GATA2: variants seen among roughly 807,000 people sequenced by gnomAD.
The protein encoded by GATA2 is endothelial transcription factor GATA-2.
GATA2 carries 6 observed loss-of-function variants against 35.7 expected under a neutral mutation model. The observed-to-expected ratio is 0.17, with a 90% CI of 0.09 to 0.33. GATA2 has a LOEUF of 0.33. Among genes scored for constraint, GATA2 ranks in the 10% least tolerant of loss-of-function variants. The pLI is 1.00. For synonymous variants in GATA2, 313 were observed against 274.9 expected (o/e 1.14, Z -1.37); for missense variants, 541 against 656.6 (o/e 0.82, Z 1.92).
rs768892880 is a variant in GATA2, at chr3:128,485,735, G to A, written c.863C>T (p.Ser288Phe). The A allele has an allele frequency of 6.2e-7, 1 of 1,613,700 alleles. No homozygotes were observed. Among genetic ancestry groups the A allele is most frequent in the Non-Finnish European group, 8.5e-7 (1 of 1,179,952 alleles). ...FTPKQRSKAR[S>F]CSEGRECVNC... ...CCAGCACCTGCCTTTACCTGAACAG[G>A]AACGAGCCTTGCTGCGCTGCTTAGG... Residue 288 changes from serine (S) to phenylalanine (F), a missense_variant, in exon 3 of 6, where the codon TCC becomes TTC. Around this residue, in one of 5 missense-constraint regions of GATA2, gnomAD observed 389 missense variants for 396.9 expected, o/e 0.98. Coordinates refer to ENST00000341105, the MANE Select transcript of GATA2 (RefSeq NM_032638.5).
At chr3:128,485,534 A>T (rs2068682846) in intron 3 of GATA2, among the ~76,000 whole-genome samples, 193 bp downstream of exon 3, 1 of 152,172 alleles carries the variant, frequency 6.6e-6, no homozygotes, top group South Asian at 2.1e-4. Context: ...GCACTTAAGA[A>T]AATGGCAAAA....
chr3:128,482,165 T>C (rs145421418), intron 4 of GATA2: 2 of 622,882 alleles, frequency 3.2e-6, no homozygotes, highest in East Asian at 5.7e-5. Context: ...AAGCCTGATG[T>C]TAGAATCAAC....
intron 1 of GATA2, among the ~76,000 whole-genome samples, chr3:128,491,417 ACCCAGCGGCCT>A (rs2068766441): frequency 6.6e-6 from 1 of 152,146 alleles, no homozygotes. Flanking sequence ...TTAATTCGCA[ACCCAGCGGCCT>A]CCCAGCCCCA....
rs2107668104 is a variant in GATA2, at chr3:128,481,300, T to C, written c.1162A>G (p.Met388Val). The C allele has an allele frequency of 6.2e-7, 1 of 1,613,748 alleles. No homozygotes were observed. Among genetic ancestry groups the C allele is most frequent in the Non-Finnish European group, 8.5e-7 (1 of 1,180,038 alleles). Reference sequence around the variant, plus strand: ...CGAGTCTGGATCCCTTCCTTCTTCATGGTCAGTGGCCTGTTAACCTAGAGG... The same window carrying C: ...CGAGTCTGGATCCCTTCCTTCTTCACGGTCAGTGGCCTGTTAACCTAGAGG... ...KLHNVNRPLT[M>V]KKEGIQTRNR... Residue 388 changes from methionine (M) to valine (V), a missense_variant, in exon 6 of 6, where the codon ATG becomes GTG. By Grantham distance (21) the Met-to-Val change is conservative. This residue lies in a region of GATA2 where 23 missense variants were observed against 67.2 expected (regional missense o/e 0.34). Transcript: ENST00000341105.
rs1190938460 is a variant in GATA2 at position 128,481,279 on chromosome 3, T to A, written c.1183A>T (p.Thr395Ser). 6.2e-7 allele frequency: 1 copy of A among 1,614,010 alleles called. No individual in the cohort carries two copies. The highest frequency in any genetic ancestry group is 8.5e-7 in the Non-Finnish European group (1 of 1,180,042). The change falls in exon 6 of 6, where the codon ACT (threonine) becomes TCT (serine). Residue 395 changes from threonine (T) to serine (S), a missense_variant. Coordinates refer to ENST00000341105, the MANE Select transcript of GATA2 (RefSeq NM_032638.5). ...PLTMKKEGIQ[T>S]RNRKMSNKSK... ...TTGTTGGACATCTTCCGGTTCCGAG[T>A]CTGGATCCCTTCCTTCTTCATGGTC...
rs780930549 is a variant in GATA2 at position 128,486,002 on chromosome 3, C to A, written c.596G>T (p.Gly199Val). ...GAASPASSSA[G>V]GSAARGEDKD... ...GTCCTCTCCTCGGGCTGCACTACCC[C>A]CCGCGGAAGATGAGGCTGGAGACGC... The change falls in exon 3 of 6, where the codon GGG becomes GTG. Residue 199 changes from glycine (G) to valine (V), a missense_variant. Physicochemically the swap from Gly to Val is moderately radical, Grantham distance 109 (BLOSUM62 -3). Around this residue, in one of 5 missense-constraint regions of GATA2, gnomAD observed 389 missense variants for 396.9 expected, o/e 0.98. Coordinates refer to ENST00000341105, the MANE Select transcript of GATA2 (RefSeq NM_032638.5). The A allele has an allele frequency of 9.9e-6, 16 of 1,614,110 alleles. No homozygotes were observed. Among genetic ancestry groups the A allele is most frequent in the Non-Finnish European group, 1.4e-5 (16 of 1,180,040 alleles).
chr3:128,492,568 G>A (rs2068790666), intron 1 of GATA2, among the ~76,000 whole-genome samples: 1 of 152,228 alleles, frequency 6.6e-6, no homozygotes, highest in African/African-American at 2.4e-5. Context: ...GGTGGCCTGG[G>A]GATTGGGGGC....
chr3:128,482,051 C>T, intron 4 of GATA2, 107 bp from the exon 5 acceptor site: 3 of 1,383,782 alleles, frequency 2.2e-6, no homozygotes, highest in Non-Finnish European at 3.0e-6. Flanking sequence ...TCAAGGAGGG[C>T]TAAATCTCAC....
intron 2 of GATA2, 69 bp downstream of exon 2, chr3:128,486,733 CG>C: frequency 7.1e-7 from 1 of 1,402,436 alleles, no homozygotes; most frequent in Non-Finnish European, 9.9e-7. Context: ...AGCAAGCAGA[CG>C]GGCCCTCCTC....
chr3:128,482,965 C>T (rs368833520), intron 4 of GATA2, among the ~76,000 whole-genome samples: 17 of 152,320 alleles, frequency 1.1e-4, no homozygotes, highest in African/African-American at 4.1e-4. Context: ...AGCCTGGTCA[C>T]AGAAGGGACA....
In GATA2 at chr3:128,483,800, G is replaced by A. The variant is rs561199650; in HGVS notation, c.1017+60C>T. ...GCATTTGAAGGAGTTTTTTTCCCCT[G>A]TAATTAACCGCCAGCTCCTGCCCAG... is the stretch of plus-strand genomic sequence containing the variant. On this transcript the variant is annotated intron_variant, in intron 4 of 5. Coordinates refer to ENST00000341105, the MANE Select transcript of GATA2 (RefSeq NM_032638.5). 6 of 1,611,390 alleles carry A rather than the reference G, an allele frequency of 3.7e-6. No homozygotes were observed. In the African/African-American group the frequency reaches 5.3e-5, roughly 14 times the overall value.
At position 128,488,834 on chromosome 3, in the gene GATA2, G is replaced by A. The variant is rs1018635927; in HGVS notation, c.-45-1758C>T. Among the ~76,000 whole-genome samples, 2 of 152,162 alleles carry A rather than the reference G, an allele frequency of 1.3e-5. No individual in the cohort carries two copies. Among genetic ancestry groups the A allele is most frequent in the Admixed American group, 1.3e-4 (2 of 15,286 alleles). On this transcript the variant is annotated intron_variant, in intron 1 of 5. Transcript: ENST00000341105. This position sits in a 1 kb window ranked among gnomAD's most constrained non-coding sequence, Gnocchi z 5.8. ...ATCGGCTCTATGGTTCGTGTGGGCC[G>A]GGCGCACAAGTCTTCCTCCCTCCCA... is the stretch of plus-strand genomic sequence containing the variant.
intron 1 of GATA2, among the ~76,000 whole-genome samples, chr3:128,491,652 C>T (rs1441427230): frequency 6.6e-6 from 1 of 152,228 alleles, no homozygotes; most frequent in Non-Finnish European, 1.5e-5. Context: ...CCCTCGGCAT[C>T]AGTGCAGGCT....
rs1239190973 is a variant in GATA2, at chr3:128,479,556, T to C, written c.*1463A>G. Reference sequence around the variant, plus strand: ...AATAACTTAGTTCACTAATCCAAAATAAAACAAGCCAAATAAAACATAAAA... The same window carrying C: ...AATAACTTAGTTCACTAATCCAAAACAAAACAAGCCAAATAAAACATAAAA... On this transcript the variant is annotated 3_prime_UTR_variant, in exon 6 of 6. Transcript: ENST00000341105. 8.6e-6 allele frequency: 2 copies of C among 233,388 alleles called. No individual in the cohort carries two copies. The highest frequency in any genetic ancestry group is 1.7e-5 in the Non-Finnish European group (2 of 117,936). The allele number at this position is 233,388 out of a possible 1,614,324, so 14.5% of individuals were successfully genotyped here. A position where few individuals can be genotyped will look rare whatever the true frequency, so the allele number is the denominator to read the frequency against.
At chr3:128,485,121 C>T (rs562939543) in intron 3 of GATA2, among the ~76,000 whole-genome samples, 1 of 152,188 alleles carries the variant, frequency 6.6e-6, no homozygotes, top group Non-Finnish European at 1.5e-5. Context: ...CTCACTCCAG[C>T]CCTCAGGGAG....
At position 128,480,534 on chromosome 3, in the gene GATA2, AGAG is replaced by A. The variant is rs886057925; in HGVS notation, c.*482_*484del. 31 of 249,692 alleles carry A rather than the reference AGAG, an allele frequency of 1.2e-4. No homozygotes were observed. Among genetic ancestry groups the A allele is most frequent in the Non-Finnish European group, 2.0e-4 (26 of 129,154 alleles). The allele number at this position is 249,692 out of a possible 1,614,324, so 15.5% of individuals were successfully genotyped here. On this transcript the variant is annotated 3_prime_UTR_variant, in exon 6 of 6. Coordinates refer to ENST00000341105, the MANE Select transcript of GATA2 (RefSeq NM_032638.5). Reference sequence around the variant, plus strand: ...TTCGGCTATTTCAGAGAGGGAAGCCAGAGGAGAAGAGGGTGCAGGCTGAGGTCC... The same window carrying A: ...TTCGGCTATTTCAGAGAGGGAAGCCAGAGAAGAGGGTGCAGGCTGAGGTCC...
At position 128,481,130 on chromosome 3, in the gene GATA2, C is replaced by T. The variant is rs770768777; in HGVS notation, c.1332G>A (p.Pro444=). ...GGATGTGTCCGGAGTGGCTGAAGGG[C>T]GGGAGGTGGCCCACAGGTGCCATGT... ...AGHMAPVGHL[P]PFSHSGHILP... Residue 444 remains proline, a synonymous_variant, in exon 6 of 6, where the codon CCG becomes CCA. Transcript: ENST00000341105. 12 of 1,614,020 alleles carry T rather than the reference C, an allele frequency of 7.4e-6. No homozygotes were observed. Among genetic ancestry groups the T allele is most frequent in the East Asian group, 2.2e-5 (1 of 44,894 alleles).
Position 128,481,871 on chromosome 3 carries a change from G to T in GATA2, c.1091C>A (p.Ala364Asp). ...GGCGTTGCAGACAGGGTCCCCGTTG[G>T]CGTTTCGGCGCCATAAGGTGGTGGT... ...TTTTTLWRRN[A>D]NGDPVCNACG... Residue 364 changes from alanine (A) to aspartate (D), a missense_variant, in exon 5 of 6, where the codon GCC becomes GAC. Ala to Asp is a moderately radical substitution (Grantham distance 126). This residue lies in a region of GATA2 where 23 missense variants were observed against 67.2 expected (regional missense o/e 0.34). Transcript: ENST00000341105. 6.2e-7 allele frequency: 1 copy of T among 1,614,120 alleles called. No individual in the cohort carries two copies. The highest frequency in any genetic ancestry group is 8.5e-7 in the Non-Finnish European group (1 of 1,180,034).
At chr3:128,487,259 C>T (rs1443752416) in intron 1 of GATA2, among the ~76,000 whole-genome samples, 183 bp from the exon 2 acceptor site, 2 of 152,196 alleles carry the variant, frequency 1.3e-5, no homozygotes, top group Admixed American at 6.5e-5. Context: ...GGTTCAGCCA[C>T]GCACACTCAC....
Sources: gnomAD v4.1 joint callset for allele counts (sites outside exome capture counted in the v4.1 genomes callset) on GRCh38, gnomAD v4.1.1 for gene constraint, gnomAD v4.1.1 regional missense constraint, Gnocchi (gnomAD v3.1) non-coding constraint, MANE v1.5 for transcripts, NCBI Gene and HGNC (gene_info 2026-07-23, HGNC 2026-07-21) for gene names.